Variants in SDCCAG8 observed in about 807,000 individuals in gnomAD.
The protein encoded by SDCCAG8 is SHH signaling and ciliogenesis regulator SDCCAG8.
A neutral mutation model predicts 101.8 loss-of-function variants in SDCCAG8; 74 were observed. The ratio of observed to expected loss-of-function variants is 0.73; its 90% CI spans 0.60 to 0.88. The LOEUF is 0.88. SDCCAG8 is among the 40% of genes least tolerant of loss of function. The pLI is 0.00. For synonymous variants in SDCCAG8, 281 were observed against 292.9 expected, an observed-to-expected ratio of 0.96 and a Z score of 0.41; for missense variants, 787 against 822.6, an observed-to-expected ratio of 0.96 and a Z score of 0.53.
At chr1:243,444,613 G>T (rs1285826419) in intron 16 of SDCCAG8, among the ~76,000 whole-genome samples, 1 of 152,046 alleles carries the variant, frequency 6.6e-6, no homozygotes, top group Non-Finnish European at 1.5e-5. Context: ...AAACTCCTGA[G>T]CTCAGGCAGT....
intron 12 of SDCCAG8, among the ~76,000 whole-genome samples, chr1:243,349,684 A>G (rs1325564818): frequency 6.6e-6 from 1 of 152,224 alleles, no homozygotes; most frequent in Admixed American, 6.5e-5. Flanking sequence ...ACTGATAATC[A>G]TGGCATTTTC....
chr1:243,453,061 T>C (rs916628543), intron 16 of SDCCAG8, among the ~76,000 whole-genome samples: 2 of 152,248 alleles, frequency 1.3e-5, no homozygotes, highest in Admixed American at 1.3e-4. Flanking sequence ...GTGTTCTGAA[T>C]GATTAGGCAT....
intron 16 of SDCCAG8, among the ~76,000 whole-genome samples, chr1:243,480,607 G>T (rs1414859239): frequency 1.1e-5 from 1 of 94,982 alleles, no homozygotes; most frequent in East Asian, 4.2e-4. Context: ...GGGTGGGATG[G>T]ATGGATGGAT....
At chr1:243,359,745 T>C (rs1011886382) in intron 12 of SDCCAG8, among the ~76,000 whole-genome samples, 1 of 152,210 alleles carries the variant, frequency 6.6e-6, no homozygotes, top group Non-Finnish European at 1.5e-5. Context: ...TATCTGTTGA[T>C]TGAGTGAATG....
intron 16 of SDCCAG8, among the ~76,000 whole-genome samples, chr1:243,439,855 A>AG (rs2082411398): frequency 6.6e-6 from 1 of 152,222 alleles, no homozygotes; most frequent in African/African-American, 2.4e-5. Context: ...CCAGCAAGCC[A>AG]GCCTCTCAGC....
At chr1:243,462,271 C>G (rs1490372855) in intron 16 of SDCCAG8, among the ~76,000 whole-genome samples, 2 of 152,206 alleles carry the variant, frequency 1.3e-5, no homozygotes, top group Non-Finnish European at 2.9e-5. Flanking sequence ...GAGGAGGAAC[C>G]TGTGGAGTGG....
chr1:243,354,545 G>A (rs2076279198), intron 12 of SDCCAG8, among the ~76,000 whole-genome samples: 1 of 152,208 alleles, frequency 6.6e-6, no homozygotes, highest in African/African-American at 2.4e-5. Flanking sequence ...TGAGGCACTG[G>A]CAAACTGTCA....
intron 11 of SDCCAG8, among the ~76,000 whole-genome samples, chr1:243,341,680 C>T (rs867993873): frequency 2.6e-5 from 4 of 152,244 alleles, no homozygotes; most frequent in Middle Eastern, 3.4e-3. Context: ...ACTACATGAT[C>T]TTATTGGTGC....
rs1201425131 is a variant in SDCCAG8, at chr1:243,378,778, C to A, written c.1531C>A (p.Gln511Lys). The A allele has an allele frequency of 1.9e-6, 3 of 1,614,060 alleles. No individual in the cohort carries two copies. In the South Asian group the frequency reaches 3.3e-5, roughly 18 times the overall value. The change falls in exon 13 of 18, where the codon CAG (glutamine) becomes AAG (lysine). Residue 511 changes from glutamine (Q) to lysine (K), a missense_variant. Gln to Lys is a moderately conservative substitution (Grantham distance 53, BLOSUM62 1). Coordinates refer to ENST00000366541, the MANE Select transcript of SDCCAG8 (RefSeq NM_006642.5). ...DESKQHLEQE[Q>K]QKAALAREEC... ...AAGCAAACAACACTTGGAACAGGAG[C>A]AGCAGAAGGCAGCCCTGGCCAGAGA...
intron 17 of SDCCAG8, among the ~76,000 whole-genome samples, chr1:243,499,455 G>C (rs2148330025): frequency 6.6e-6 from 1 of 152,360 alleles, no homozygotes; most frequent in South Asian, 2.1e-4. Context: ...GGACAGAAGA[G>C]ATGGCTCTCT....
At chr1:243,426,583 A>G (rs754120377) in intron 16 of SDCCAG8, 25 bp downstream of exon 16, 1 of 1,613,780 alleles carries the variant, frequency 6.2e-7, no homozygotes, top group Admixed American at 1.7e-5. Context: ...ATGTCAACTC[A>G]TGTGCCGCAT....
chr1:243,476,353 G>A lies in SDCCAG8; in HGVS notation c.1986-12661G>A, dbSNP rs547607527. ...ACTTGCATTAAAACCTAATTAAGATGTGTGCCAATAAGTGGGCTGTAGTGA... is the reference window on the plus strand; with the variant it reads ...ACTTGCATTAAAACCTAATTAAGATATGTGCCAATAAGTGGGCTGTAGTGA... On this transcript the variant is annotated intron_variant, in intron 16 of 17. Transcript: ENST00000366541. The A allele has an allele frequency of 1.9e-5, 19 of 985,470 alleles. No individual in the cohort carries two copies. In the Admixed American group the frequency reaches 3.7e-4, roughly 19 times the overall value. The allele number at this position is 985,470 out of a possible 1,614,324, so 61.0% of individuals were successfully genotyped here.
chr1:243,470,682 T>C (rs1426949201), intron 16 of SDCCAG8, among the ~76,000 whole-genome samples: 4 of 152,086 alleles, frequency 2.6e-5, no homozygotes, highest in Admixed American at 6.6e-5. Context: ...AGGCTCTGGG[T>C]ATCTGCTAGT....
intron 12 of SDCCAG8, among the ~76,000 whole-genome samples, chr1:243,361,819 G>A (rs922295553): frequency 6.6e-6 from 1 of 152,132 alleles, no homozygotes; most frequent in African/African-American, 2.4e-5. Context: ...CCTCCTTCAT[G>A]GAGCTTATTA....
intron 1 of SDCCAG8, among the ~76,000 whole-genome samples, chr1:243,261,616 C>T (rs1370289039): frequency 1.3e-5 from 2 of 152,230 alleles, no homozygotes; most frequent in Admixed American, 6.5e-5. Flanking sequence ...TATTAGCCAG[C>T]AGTGATATCA....
intron 12 of SDCCAG8, among the ~76,000 whole-genome samples, chr1:243,372,954 CTA>C (rs142842404): frequency 2.0e-4 from 27 of 131,734 alleles, no homozygotes; most frequent in African/African-American, 6.2e-4. Context: ...CTATATCTAT[CTA>C]TATATATATC....
chr1:243,376,325 G>A (rs1051845618), intron 12 of SDCCAG8, among the ~76,000 whole-genome samples: 4 of 152,152 alleles, frequency 2.6e-5, no homozygotes, highest in African/African-American at 4.8e-5. Context: ...ATTTTAGGAG[G>A]AAGAAACTGT....
At chr1:243,317,008 G>GAAGAGCA in intron 9 of SDCCAG8, 115 bp downstream of exon 9, 2 of 1,086,648 alleles carry the variant, frequency 1.8e-6, no homozygotes, top group Admixed American at 4.7e-5. Context: ...CACACAAAGT[G>GAAGAGCA]AATTATCAAT....
chr1:243,270,448 A>G (rs574361619), intron 2 of SDCCAG8, among the ~76,000 whole-genome samples, 191 bp downstream of exon 2: 1 of 152,360 alleles, frequency 6.6e-6, no homozygotes, highest in South Asian at 2.1e-4. Flanking sequence ...AAAGTCCAAA[A>G]TTCTTAGTTA....
Sources: gnomAD v4.1 joint callset for allele counts (sites outside exome capture counted in the v4.1 genomes callset) on GRCh38, gnomAD v4.1.1 for gene constraint, MANE v1.5 for transcripts, NCBI Gene and HGNC (gene_info 2026-07-23, HGNC 2026-07-21) for gene names.